The following CDH12 variants were observed in gnomAD, a reference collection of about 807,000 sequenced individuals.
The protein encoded by CDH12 is cadherin-12.
Under a neutral mutation model 74.1 loss-of-function variants are expected in CDH12, and 41 were observed. The observed-to-expected ratio is 0.55, with a 90% CI of 0.43 to 0.72. The LOEUF is 0.72. Ranked by LOEUF, CDH12 falls within the 30% of genes least tolerant of loss-of-function variation. The pLI is 0.00. For missense variants in CDH12, 945 were observed against 977.2 expected, an observed-to-expected ratio of 0.97 and a Z score of 0.44; for synonymous variants, 399 against 355.0, an observed-to-expected ratio of 1.12 and a Z score of -1.39.
chr5:22,757,718 A>G (rs1746000096), intron 1 of CDH12, among the ~76,000 whole-genome samples: 1 of 152,216 alleles, frequency 6.6e-6, no homozygotes, highest in Non-Finnish European at 1.5e-5. Context: ...GATAATCCTT[A>G]GTGACCTTGG....
chr5:22,453,507 C>T (rs944721100), intron 2 of CDH12, among the ~76,000 whole-genome samples: 2 of 151,986 alleles, frequency 1.3e-5, no homozygotes, highest in African/African-American at 2.4e-5. Context: ...TACCACATGA[C>T]CTCATTTGTA....
intron 2 of CDH12, among the ~76,000 whole-genome samples, chr5:22,470,341 A>C (rs1012561712): frequency 2.0e-5 from 3 of 151,908 alleles, no homozygotes; most frequent in Non-Finnish European, 1.5e-5. Context: ...TGAGACTTAA[A>C]ATTTTTAGTT....
rs200308137 is a variant in CDH12 at position 22,233,298 on chromosome 5, CA to C, written c.-332-20656del. 1.7e-3 allele frequency among the ~76,000 whole-genome samples: 249 copies of C among 146,680 alleles called. 2 individuals carry two copies. Among genetic ancestry groups the C allele is most frequent in the Admixed American group, 9.9e-3 (146 of 14,756 alleles). On this transcript the variant is annotated intron_variant, in intron 3 of 14. Coordinates refer to ENST00000382254, the MANE Select transcript of CDH12 (RefSeq NM_004061.5). The stretch of plus-strand genomic sequence containing the variant: ...AACTGATCATAGATACATAGACAAG[CA>C]AAAAAAATATATATATATAGTTAAA...
chr5:22,645,225 T>A lies in CDH12; in HGVS notation c.-522-139861A>T, dbSNP rs554164615. Among the ~76,000 whole-genome samples the A allele has an allele frequency of 4.4e-4, 67 of 152,194 alleles. No individual in the cohort carries two copies. In the South Asian group the frequency reaches 0.013, roughly 30 times the overall value. On this transcript the variant is annotated intron_variant, in intron 1 of 14. Coordinates refer to ENST00000382254, the MANE Select transcript of CDH12 (RefSeq NM_004061.5). ...TTTGGAAAAGATTCACCATTCTAAA[T>A]GCCATCAAGAATATTCATGATCCAT...
chr5:22,437,668 CT>C (rs1744461193), intron 2 of CDH12, among the ~76,000 whole-genome samples: 1 of 151,668 alleles, frequency 6.6e-6, no homozygotes, highest in African/African-American at 2.4e-5. Context: ...TTAAAATTAT[CT>C]TTGGAGAATT....
At chr5:22,810,855 C>A (rs1749099550) in intron 1 of CDH12, among the ~76,000 whole-genome samples, 1 of 151,932 alleles carries the variant, frequency 6.6e-6, no homozygotes, top group Non-Finnish European at 1.5e-5. Context: ...GTACTCCAGC[C>A]TGGGCAACAG....
At chr5:22,086,694 T>G (rs939599786) in intron 4 of CDH12, among the ~76,000 whole-genome samples, 2 of 150,256 alleles carry the variant, frequency 1.3e-5, no homozygotes, top group African/African-American at 5.0e-5. Flanking sequence ...GCTACTAGTT[T>G]TACTGAAATG....
chr5:22,476,783 A>G (rs1173819855), intron 2 of CDH12, among the ~76,000 whole-genome samples: 1 of 152,212 alleles, frequency 6.6e-6, no homozygotes, highest in Non-Finnish European at 1.5e-5. Flanking sequence ...TTCACTATAT[A>G]GGGTGAACTA....
intron 6 of CDH12, among the ~76,000 whole-genome samples, chr5:21,885,194 C>T (rs1215673927): frequency 5.3e-5 from 8 of 152,034 alleles, no homozygotes; most frequent in African/African-American, 2.4e-5. Flanking sequence ...GGCAAAAGGC[C>T]CTGTTTTAAG....
At chr5:22,300,984 A>G (rs957793577) in intron 3 of CDH12, among the ~76,000 whole-genome samples, 2 of 152,206 alleles carry the variant, frequency 1.3e-5, no homozygotes, top group African/African-American at 4.8e-5. Context: ...TTTGCATAAC[A>G]ATAAGAGTAT....
At chr5:22,847,720 A>G (rs1005106032) in intron 1 of CDH12, among the ~76,000 whole-genome samples, 2 of 152,200 alleles carry the variant, frequency 1.3e-5, no homozygotes, top group Non-Finnish European at 2.9e-5. Context: ...TTTTAAAAAA[A>G]TAGTATATCA....
At chr5:22,520,213 T>C (rs1252086920) in intron 1 of CDH12, among the ~76,000 whole-genome samples, 1 of 152,116 alleles carries the variant, frequency 6.6e-6, no homozygotes, top group Non-Finnish European at 1.5e-5. Flanking sequence ...TGAATAGTGA[T>C]TGTTATTTAT....
chr5:22,092,556 C>T (rs1206093283), intron 4 of CDH12, among the ~76,000 whole-genome samples: 1 of 152,032 alleles, frequency 6.6e-6, no homozygotes, highest in African/African-American at 2.4e-5. Context: ...AATCGAAAAC[C>T]ACAGTGAAGA....
rs184488374 is a variant in CDH12, at chr5:21,982,607, T to C, written c.232-7222A>G. ...ATAGAGAGATCTCTCTAAATATCTC[T>C]ATATCTATAATCTATATATCTATAA... On this transcript the variant is annotated intron_variant, in intron 5 of 14. Coordinates refer to ENST00000382254, the MANE Select transcript of CDH12 (RefSeq NM_004061.5). Among the ~76,000 whole-genome samples, 35 of 151,952 alleles carry C rather than the reference T, an allele frequency of 2.3e-4. No homozygotes were observed. In the East Asian group the frequency reaches 6.8e-3, roughly 29 times the overall value.
At chr5:22,603,992 TGG>T (rs1736976514) in intron 1 of CDH12, among the ~76,000 whole-genome samples, 1 of 152,266 alleles carries the variant, frequency 6.6e-6, no homozygotes, top group South Asian at 2.1e-4. Flanking sequence ...AGGTCTGTAG[TGG>T]GCGACAGCCA....
At chr5:22,217,040 G>T (rs1751830768) in intron 3 of CDH12, among the ~76,000 whole-genome samples, 1 of 151,708 alleles carries the variant, frequency 6.6e-6, no homozygotes, top group Non-Finnish European at 1.5e-5. Context: ...GCAAATACAT[G>T]TTTTCTCCCT....
intron 3 of CDH12, among the ~76,000 whole-genome samples, chr5:22,315,364 T>C (rs1039111098): frequency 3.3e-5 from 5 of 152,006 alleles, no homozygotes; most frequent in African/African-American, 1.2e-4. Context: ...GATAGCTTAC[T>C]AGATTTTGTG....
chr5:21,750,678 G>T lies in CDH12; in HGVS notation c.*1059C>A, dbSNP rs1451591280. On this transcript the variant is annotated 3_prime_UTR_variant, in exon 15 of 15. Transcript: ENST00000382254. The stretch of plus-strand genomic sequence containing the variant: ...ATTATTTGATATGTATTTTATTTTT[G>T]CTGCTCATCAAAGAATCACTAGATT... 6.6e-6 allele frequency: 1 copy of T among 151,342 alleles called. No individual in the cohort carries two copies. Among genetic ancestry groups the T allele is most frequent in the Non-Finnish European group, 1.5e-5 (1 of 67,858 alleles). The allele number at this position is 151,342 out of a possible 1,614,324, so 9.4% of individuals were successfully genotyped here. A position where few individuals can be genotyped will look rare whatever the true frequency, so the allele number is the denominator to read the frequency against.
chr5:21,840,887 C>A (rs1235923213), intron 8 of CDH12, among the ~76,000 whole-genome samples: 1 of 152,070 alleles, frequency 6.6e-6, no homozygotes, highest in Non-Finnish European at 1.5e-5. Context: ...AACGTTAGAC[C>A]TAAAACCATA....
Sources: gnomAD v4.1 joint callset for allele counts (sites outside exome capture counted in the v4.1 genomes callset) on GRCh38, gnomAD v4.1.1 for gene constraint, MANE v1.5 for transcripts, NCBI Gene and HGNC (gene_info 2026-07-23, HGNC 2026-07-21) for gene names.